CLINT1: variants seen among roughly 807,000 people sequenced by gnomAD.
CLINT1 encodes clathrin interactor 1.
Under a neutral mutation model 70.4 loss-of-function variants are expected in CLINT1, and 15 were observed. The observed-to-expected ratio is 0.21, with a 90% confidence interval of 0.14 to 0.33. The LOEUF (loss-of-function observed/expected upper bound fraction) is 0.33, where lower values mean the gene tolerates loss of function less well. Among genes scored for constraint, CLINT1 ranks in the 10% least tolerant of loss-of-function variants. The pLI is 1.00. For synonymous variants in CLINT1, 227 were observed against 254.7 expected (o/e 0.89, Z 1.04); for missense variants, 615 against 778.1 (o/e 0.79, Z 2.49).
intron 9 of CLINT1, 134 bp from the exon 10 acceptor site, chr5:157,792,129 G>C: frequency 1.4e-6 from 1 of 702,818 alleles, no homozygotes; most frequent in Non-Finnish European, 2.3e-6. Context: ...ATCTCCATCT[G>C]GACAGTATTC....
At chr5:157,828,915 T>C (rs1334460143) in intron 1 of CLINT1, among the ~76,000 whole-genome samples, 2 of 133,350 alleles carry the variant, frequency 1.5e-5, no homozygotes, top group East Asian at 2.2e-4. Context: ...ATGGTGAAAC[T>C]CTGTCTCTAC....
intron 10 of CLINT1, chr5:157,790,032 C>G (rs962314882): frequency 6.0e-5 from 10 of 166,782 alleles, no homozygotes; most frequent in Admixed American, 4.5e-4. Flanking sequence ...GAAACCCCAT[C>G]TCTACTAAAA....
At position 157,786,208 on chromosome 5, in the gene CLINT1, T is replaced by G. The variant is rs1353654851; in HGVS notation, c.*1438A>C. On this transcript the variant is annotated 3_prime_UTR_variant, in exon 12 of 12. Transcript: ENST00000411809. ...ATAATTTTAAATTATTTATAAAAAT[T>G]ACTTTGCCCAAACTATAATTATTTT... 6.6e-6 allele frequency: 1 copy of G among 152,152 alleles called. No individual in the cohort carries two copies. The highest frequency in any genetic ancestry group is 1.5e-5 in the Non-Finnish European group (1 of 68,002). The allele number at this position is 152,152 out of a possible 1,614,324, so 9.4% of individuals were successfully genotyped here.
At position 157,814,310 on chromosome 5, in the gene CLINT1, C is replaced by T. The variant is rs1374514255; in HGVS notation, c.244-17G>A. 6.6e-7 allele frequency: 1 copy of T among 1,516,900 alleles called. No homozygotes were observed. Among genetic ancestry groups the T allele is most frequent in the South Asian group, 1.2e-5 (1 of 85,846 alleles). The allele number at this position is 1,516,900 out of a possible 1,614,324, so 94.0% of individuals were successfully genotyped here. A position where few individuals can be genotyped will look rare whatever the true frequency, so the allele number is the denominator to read the frequency against. The stretch of plus-strand genomic sequence containing the variant: ...CAGCAACGACTGCAAAAATACAAAG[C>T]AATAAATGATTTAATGAAATATATT... On this transcript the variant is annotated splice_polypyrimidine_tract_variant and intron_variant, in intron 3 of 11. Transcript: ENST00000411809.
intron 7 of CLINT1, among the ~76,000 whole-genome samples, chr5:157,804,322 C>A (rs7734647): frequency 0.13 from 20,360 of 152,072 alleles, 1,797 homozygotes; most frequent in African/African-American, 0.25. Context: ...TTTAGTTCCC[C>A]AACTAAACTG....
intron 5 of CLINT1, among the ~76,000 whole-genome samples, chr5:157,812,394 C>G (rs1278323214): frequency 6.6e-6 from 1 of 152,164 alleles, no homozygotes; most frequent in African/African-American, 2.4e-5. Context: ...CCGTGAAAGA[C>G]AGTTCCTATT....
intron 1 of CLINT1, 109 bp downstream of exon 1, chr5:157,858,821 G>A (rs963908972): frequency 3.8e-5 from 46 of 1,211,262 alleles, no homozygotes; most frequent in Non-Finnish European, 5.1e-5. Context: ...GATGGGGCTG[G>A]CAGAGCCAGG....
At chr5:157,791,097 C>T (rs756831694) in intron 10 of CLINT1, among the ~76,000 whole-genome samples, 7 of 151,992 alleles carry the variant, frequency 4.6e-5, no homozygotes, top group East Asian at 1.9e-4. Flanking sequence ...ATCACTCTGT[C>T]GCCCAGGCTG....
intron 6 of CLINT1, 59 bp from the exon 7 acceptor site, chr5:157,806,171 C>T (rs1762378126): frequency 1.9e-6 from 3 of 1,550,034 alleles, no homozygotes; most frequent in Non-Finnish European, 2.6e-6. Flanking sequence ...AAATGGGTCC[C>T]TCAGTGATTT....
Position 157,805,858 on chromosome 5 carries a change from A to G in CLINT1, c.942+8T>C. On this transcript the variant is annotated splice_region_variant and intron_variant, in intron 7 of 11. Transcript: ENST00000411809. ...CATGTATAATGTGTAAACTACTGCCATTCCCACCTTAACTGAAGACTGAGG... is the reference window on the plus strand; with the variant it reads ...CATGTATAATGTGTAAACTACTGCCGTTCCCACCTTAACTGAAGACTGAGG... 2 of 1,613,934 alleles carry G rather than the reference A, an allele frequency of 1.2e-6. No homozygotes were observed. The highest frequency in any genetic ancestry group is 1.7e-6 in the Non-Finnish European group (2 of 1,179,838).
intron 1 of CLINT1, among the ~76,000 whole-genome samples, chr5:157,831,661 T>C (rs1320668959): frequency 6.6e-6 from 1 of 151,008 alleles, no homozygotes; most frequent in African/African-American, 2.4e-5. Context: ...AAAAATAAAC[T>C]AGCTTTATCA....
At position 157,787,964 on chromosome 5, in the gene CLINT1, A is replaced by T; in HGVS notation, c.1560T>A (p.Thr520=). Residue 520 remains threonine (T), a synonymous_variant, in exon 12 of 12, where the codon ACT becomes ACA. Transcript: ENST00000411809. ...TGAGGTTCACAGCTCCAAAACTTTG[A>T]GTCATCACATTCATAGGCTGCTGCA... ...QNMQQPMNVM[T]QSFGAVNLSS... 1.9e-6 allele frequency: 3 copies of T among 1,610,780 alleles called. No individual in the cohort carries two copies. Among genetic ancestry groups the T allele is most frequent in the Non-Finnish European group, 2.5e-6 (3 of 1,178,292 alleles).
chr5:157,830,168 G>A (rs1375872539), intron 1 of CLINT1, among the ~76,000 whole-genome samples: 4 of 151,664 alleles, frequency 2.6e-5, no homozygotes, highest in South Asian at 2.1e-4. Flanking sequence ...GGCTGGTCTC[G>A]AACTCCTGGG....
At chr5:157,815,042 A>T (rs1489227120) in intron 3 of CLINT1, among the ~76,000 whole-genome samples, 2 of 151,956 alleles carry the variant, frequency 1.3e-5, no homozygotes, top group African/African-American at 4.8e-5. Context: ...AAAAAAAAAA[A>T]AAAAAGATTG....
At chr5:157,818,740 G>A (rs1320431278) in intron 1 of CLINT1, among the ~76,000 whole-genome samples, 3 of 151,876 alleles carry the variant, frequency 2.0e-5, no homozygotes, top group East Asian at 1.9e-4. Context: ...AATTCACTTC[G>A]GAAAAAATCA....
chr5:157,816,418 C>T (rs932286100), intron 3 of CLINT1, among the ~76,000 whole-genome samples: 1 of 152,126 alleles, frequency 6.6e-6, no homozygotes, highest in African/African-American at 2.4e-5. Flanking sequence ...TGGTATTCAT[C>T]TTAACTGCTC....
At chr5:157,848,530 G>C (rs1753460169) in intron 1 of CLINT1, among the ~76,000 whole-genome samples, 1 of 151,306 alleles carries the variant, frequency 6.6e-6, no homozygotes, top group Non-Finnish European at 1.5e-5. Context: ...TTGAGGTGGA[G>C]TCTCACTCTG....
chr5:157,802,532 G>A (rs1049611084), intron 8 of CLINT1, among the ~76,000 whole-genome samples: 7 of 149,210 alleles, frequency 4.7e-5, no homozygotes, highest in African/African-American at 1.3e-4. Context: ...TTCTTTTGCT[G>A]TAGCCCTCTC....
intron 8 of CLINT1, among the ~76,000 whole-genome samples, chr5:157,801,136 G>A (rs531632959): frequency 1.3e-5 from 2 of 152,330 alleles, no homozygotes; most frequent in African/African-American, 4.8e-5. Flanking sequence ...GGGCATTACA[G>A]TCCAATCAAG....
Sources: gnomAD v4.1 joint callset for allele counts (sites outside exome capture counted in the v4.1 genomes callset) on GRCh38, gnomAD v4.1.1 for gene constraint, MANE v1.5 for transcripts, NCBI Gene and HGNC (gene_info 2026-07-23, HGNC 2026-07-21) for gene names.